The following MMP26 variants were observed in gnomAD, a reference collection of about 807,000 sequenced individuals.
MMP26 encodes the protein matrix metalloproteinase-26.
Under a neutral mutation model 31.0 loss-of-function variants are expected in MMP26, and 33 were observed. The observed-to-expected ratio is 1.06, with a 90% CI of 0.81 to 1.42. The LOEUF is 1.42. MMP26 is among the 40% of genes most tolerant of loss of function. The probability of loss-of-function intolerance (pLI) is 0.00; values close to 1 mark genes in which losing one functional copy is unlikely to be tolerated. For missense variants in MMP26, 347 were observed against 316.1 expected (o/e 1.10, Z -0.74); for synonymous variants, 122 against 114.9 (o/e 1.06, Z -0.40).
intron 2 of MMP26, among the ~76,000 whole-genome samples, chr11:4,768,098 A>T (rs1848655244): frequency 6.6e-6 from 1 of 152,210 alleles, no homozygotes; most frequent in Admixed American, 6.5e-5. Context: ...TATGGAAAAT[A>T]ATGTGAGTAT....
chr11:4,878,400 T>C (rs1330706563), intron 2 of MMP26, among the ~76,000 whole-genome samples: 1 of 152,082 alleles, frequency 6.6e-6, no homozygotes, highest in African/African-American at 2.4e-5. Context: ...AAGGTATACA[T>C]ATTTAAGGGG....
intron 2 of MMP26, among the ~76,000 whole-genome samples, chr11:4,824,814 G>C (rs1306449544): frequency 1.3e-5 from 2 of 151,938 alleles, no homozygotes; most frequent in Non-Finnish European, 1.5e-5. Context: ...ATATAATATT[G>C]CACCTCTAAT....
At chr11:4,912,455 A>G (rs963629256) in intron 2 of MMP26, 1 of 152,186 alleles carries the variant, frequency 6.6e-6, no homozygotes, top group African/African-American at 2.4e-5. Context: ...AGCTGTATAC[A>G]TGCCTCAAAA....
Position 4,848,355 on chromosome 11 carries a change from T to C in MMP26, c.-145+81014T>C, listed in dbSNP as rs767403821. 18 of 1,613,966 alleles carry C rather than the reference T, an allele frequency of 1.1e-5. No individual in the cohort carries two copies. In the East Asian group the frequency reaches 1.6e-4, roughly 14 times the overall value. ...CAATGGAGGAAGAAGGAAATGGACA[T>C]AGGATAGAAGAGTATGGGTATGCTG... On this transcript the variant is annotated intron_variant, in intron 2 of 7. Coordinates refer to ENST00000380390, the MANE Select transcript of MMP26 (RefSeq NM_021801.5).
At chr11:4,907,063 T>G (rs942032600) in intron 2 of MMP26, among the ~76,000 whole-genome samples, 1 of 94,882 alleles carries the variant, frequency 1.1e-5, no homozygotes, top group Non-Finnish European at 2.0e-5. Flanking sequence ...ACCATTGCAC[T>G]CCAGCCTGGG....
intron 2 of MMP26, among the ~76,000 whole-genome samples, chr11:4,959,132 G>A (rs1846485143): frequency 6.6e-6 from 1 of 151,548 alleles, no homozygotes; most frequent in Non-Finnish European, 1.5e-5. Context: ...CAGCTACTCG[G>A]GAGGCTGAGG....
chr11:4,759,204 A>C (rs921533524), intron 1 of MMP26, among the ~76,000 whole-genome samples: 3 of 152,064 alleles, frequency 2.0e-5, no homozygotes, highest in Non-Finnish European at 4.4e-5. Flanking sequence ...TACAGGAAGA[A>C]TTTTCAGTCT....
intron 2 of MMP26, among the ~76,000 whole-genome samples, chr11:4,929,607 T>C (rs1156962849): frequency 6.6e-6 from 1 of 152,172 alleles, no homozygotes; most frequent in Non-Finnish European, 1.5e-5. Context: ...AAATTAATTT[T>C]ACTCCCTTTT....
chr11:4,779,464 GC>G (rs1848830646), intron 2 of MMP26, among the ~76,000 whole-genome samples: 1 of 151,912 alleles, frequency 6.6e-6, no homozygotes, highest in South Asian at 2.1e-4. Flanking sequence ...GTTTTGTAAT[GC>G]CCTTTCAAGT....
intron 2 of MMP26, among the ~76,000 whole-genome samples, chr11:4,978,781 G>T (rs766891478): frequency 2.0e-5 from 3 of 152,182 alleles, no homozygotes; most frequent in South Asian, 2.1e-4. Flanking sequence ...AGAACAAAAG[G>T]ATTACGTTGT....
intron 2 of MMP26, among the ~76,000 whole-genome samples, chr11:4,889,152 G>A (rs999018663): frequency 7.2e-5 from 11 of 152,104 alleles, no homozygotes; most frequent in African/African-American, 2.7e-4. Context: ...CAGCTTATAT[G>A]CTGGACTGAC....
intron 2 of MMP26, among the ~76,000 whole-genome samples, chr11:4,833,850 C>G (rs760105299): frequency 6.6e-6 from 1 of 152,114 alleles, no homozygotes; most frequent in Non-Finnish European, 1.5e-5. Context: ...AACTTTGGTG[C>G]TCAATGGTTG....
intron 2 of MMP26, among the ~76,000 whole-genome samples, chr11:4,851,979 A>G (rs1589919670): frequency 3.9e-5 from 6 of 152,186 alleles, no homozygotes; most frequent in Admixed American, 3.3e-4. Flanking sequence ...TGGACTAAGC[A>G]TGCATCATAA....
At chr11:4,711,251 C>G (rs528357876) in intron 1 of MMP26, 80 of 152,204 alleles carry the variant, frequency 5.3e-4, no homozygotes, top group African/African-American at 1.9e-3. Flanking sequence ...AATACTGATA[C>G]AAATATAAAT....
intron 2 of MMP26, among the ~76,000 whole-genome samples, chr11:4,861,951 A>T (rs922681740): frequency 6.6e-6 from 1 of 152,148 alleles, no homozygotes; most frequent in Non-Finnish European, 1.5e-5. Context: ...CTACCTCTGC[A>T]GCACCAACTC....
At chr11:4,889,169 C>T (rs575547689) in intron 2 of MMP26, among the ~76,000 whole-genome samples, 9 of 152,278 alleles carry the variant, frequency 5.9e-5, no homozygotes, top group Non-Finnish European at 1.0e-4. Context: ...TGACTATAGT[C>T]ATCCCTTGTT....
At chr11:4,796,785 T>C (rs1018858643) in intron 2 of MMP26, among the ~76,000 whole-genome samples, 1 of 152,126 alleles carries the variant, frequency 6.6e-6, no homozygotes, top group African/African-American at 2.4e-5. Flanking sequence ...GCTGCCGCAG[T>C]GCTTCTCCTC....
chr11:4,793,766 A>G (rs140004774), intron 2 of MMP26: 77 of 152,280 alleles, frequency 5.1e-4, no homozygotes, highest in African/African-American at 1.7e-3. Context: ...TGGTGATTCT[A>G]TGGCAGGAAA....
intron 2 of MMP26, among the ~76,000 whole-genome samples, chr11:4,917,044 T>C (rs570850122): frequency 6.6e-6 from 1 of 152,220 alleles, no homozygotes; most frequent in East Asian, 1.9e-4. Context: ...CCATTCTCAA[T>C]TAATATCACT....
Sources: allele counts gnomAD v4.1 joint callset (sites outside exome capture counted in the v4.1 genomes callset), GRCh38; gene constraint gnomAD v4.1.1; transcripts MANE v1.5; gene names NCBI Gene and HGNC (gene_info 2026-07-23, HGNC 2026-07-21).